The following KIAA1217 variants were observed in gnomAD, a reference collection of about 807,000 sequenced individuals.
The protein encoded by KIAA1217 is sickle tail protein homolog.
KIAA1217 carries 88 observed loss-of-function variants against 163.9 expected under a neutral mutation model. The ratio of observed to expected loss-of-function variants is 0.54; its 90% CI spans 0.45 to 0.64. The LOEUF (loss-of-function observed/expected upper bound fraction) is 0.64. Ranked by LOEUF, KIAA1217 falls within the 30% of genes least tolerant of loss-of-function variation. The probability of loss-of-function intolerance (pLI) is 0.00; values close to 1 mark genes in which losing one functional copy is unlikely to be tolerated. For missense variants in KIAA1217, 2,372 were observed against 2,475.0 expected, an observed-to-expected ratio of 0.96 and a Z score of 0.88; for synonymous variants, 903 against 923.1, an observed-to-expected ratio of 0.98 and a Z score of 0.39.
intron 1 of KIAA1217, among the ~76,000 whole-genome samples, chr10:23,845,333 A>G (rs553828222): frequency 6.6e-6 from 1 of 152,290 alleles, no homozygotes; most frequent in South Asian, 2.1e-4. Flanking sequence ...CAATGGTTGA[A>G]CTAATTTACA....
intron 1 of KIAA1217, among the ~76,000 whole-genome samples, chr10:23,819,489 C>A (rs890756862): frequency 2.6e-5 from 4 of 152,056 alleles, no homozygotes; most frequent in African/African-American, 9.7e-5. Flanking sequence ...CAGCTTTGGC[C>A]CCCCTGCTGC....
intron 2 of KIAA1217, among the ~76,000 whole-genome samples, chr10:24,238,205 A>G (rs1423372050): frequency 6.6e-6 from 1 of 152,224 alleles, no homozygotes; most frequent in Non-Finnish European, 1.5e-5. Flanking sequence ...CCTCCTCAGA[A>G]GTGCTTCTCA....
chr10:24,472,240 CTG>C (rs1257906783), intron 5 of KIAA1217, among the ~76,000 whole-genome samples: 2 of 152,098 alleles, frequency 1.3e-5, no homozygotes, highest in East Asian at 3.9e-4. Context: ...GGGAGGATAT[CTG>C]TGTATCAGTC....
intron 2 of KIAA1217, among the ~76,000 whole-genome samples, chr10:24,075,119 TACACACACACACACACACACAC>T (rs71397929): frequency 7.6e-6 from 1 of 131,560 alleles, no homozygotes; most frequent in African/African-American, 2.7e-5. Flanking sequence ...TCCCCCTAAA[TACACACACACACACACACACAC>T]ACACACACAC....
chr10:23,871,286 C>T (rs572311753), intron 1 of KIAA1217, among the ~76,000 whole-genome samples: 1 of 152,116 alleles, frequency 6.6e-6, no homozygotes, highest in Non-Finnish European at 1.5e-5. Flanking sequence ...ATTTACATTG[C>T]AAATAGAAGA....
intron 1 of KIAA1217, among the ~76,000 whole-genome samples, chr10:23,796,258 A>C (rs1836196533): frequency 6.6e-6 from 1 of 152,196 alleles, no homozygotes; most frequent in South Asian, 2.1e-4. Context: ...ACCTTGTCTT[A>C]GTCACTTCAC....
chr10:24,452,696 A>T (rs891043897), intron 5 of KIAA1217, among the ~76,000 whole-genome samples: 8 of 151,716 alleles, frequency 5.3e-5, no homozygotes, highest in African/African-American at 1.9e-4. Context: ...AAAAAAAAAA[A>T]AAATAGAATG....
Position 24,047,676 on chromosome 10 carries a change from TACATGC to T in KIAA1217, c.-171+40304_-171+40309del, listed in dbSNP as rs1757605204. Among the ~76,000 whole-genome samples the T allele has an allele frequency of 2.0e-5, 3 of 152,334 alleles. No homozygotes were observed. The South Asian group carries it at 6.2e-4, about 32-fold the overall frequency. On this transcript the variant is annotated intron_variant, in intron 2 of 18. Transcript: ENST00000376462. ...ATTCTTTATGTTTAAGGAGTAAACT[TACATGC>T]ATCTCCTTTTCTATAGCACATGTAG...
chr10:23,853,751 G>A (rs1378782770), intron 1 of KIAA1217, among the ~76,000 whole-genome samples: 1 of 152,162 alleles, frequency 6.6e-6, no homozygotes, highest in Admixed American at 6.5e-5. Flanking sequence ...GGGAGGGTGT[G>A]TGTGTCGAGG....
At chr10:23,778,251 T>C (rs1055054991) in intron 1 of KIAA1217, among the ~76,000 whole-genome samples, 2 of 152,224 alleles carry the variant, frequency 1.3e-5, no homozygotes, top group Non-Finnish European at 2.9e-5. Context: ...ACTGCAGATA[T>C]TTTTGTGGCA....
At chr10:24,527,521 T>C (rs1184744008) in intron 13 of KIAA1217, among the ~76,000 whole-genome samples, 1 of 148,610 alleles carries the variant, frequency 6.7e-6, no homozygotes, top group Admixed American at 6.7e-5. Context: ...AAATTAGCCA[T>C]GTGTGGTGGC....
chr10:23,707,832 G>A (rs924061427), intron 1 of KIAA1217, among the ~76,000 whole-genome samples: 2 of 152,122 alleles, frequency 1.3e-5, no homozygotes, highest in Non-Finnish European at 2.9e-5. Flanking sequence ...TGTCATTCAC[G>A]ATTTCTGCTC....
rs182262931 is a variant in KIAA1217, at chr10:23,895,014, G to A, written c.-320-112211G>A. On this transcript the variant is annotated intron_variant, in intron 1 of 18. Coordinates refer to the KIAA1217 transcript ENST00000376462. ...TTCAAGATTGATTAAAGACTTAAAC[G>A]TTGGACCTAAAACCATAAAAACCCT... 2.9e-3 allele frequency among the ~76,000 whole-genome samples: 440 copies of A among 152,202 alleles called. 1 individual carries two copies. The highest frequency in any genetic ancestry group is 8.8e-3 in the African/African-American group (367 of 41,536).
chr10:23,711,022 T>C (rs181957591), intron 1 of KIAA1217, among the ~76,000 whole-genome samples: 4 of 152,330 alleles, frequency 2.6e-5, no homozygotes, highest in Non-Finnish European at 4.4e-5. Flanking sequence ...TCATCAAAAG[T>C]GAGACTATTG....
At chr10:23,871,546 A>G (rs568621493) in intron 1 of KIAA1217, among the ~76,000 whole-genome samples, 74 of 152,068 alleles carry the variant, frequency 4.9e-4, no homozygotes, top group Non-Finnish European at 9.0e-4. Context: ...CAAAGCCATC[A>G]GCACAGTCCA....
chr10:24,404,821 T>C (rs1564623792), intron 3 of KIAA1217, among the ~76,000 whole-genome samples: 1 of 152,048 alleles, frequency 6.6e-6, no homozygotes, highest in Admixed American at 6.5e-5. Flanking sequence ...GGACAAACTG[T>C]CGATACACAA....
At position 23,792,596 on chromosome 10, in the gene KIAA1217, C is replaced by T. The variant is rs576260950; in HGVS notation, c.-321+97362C>T. Among the ~76,000 whole-genome samples the T allele has an allele frequency of 3.3e-5, 5 of 151,608 alleles. No individual in the cohort carries two copies. In the South Asian group the frequency reaches 1.0e-3, roughly 32 times the overall value. ...CAAGCTCCGCCTCCCGGGTTCATGC[C>T]GTTCTCCTGCCTCAGCCTCCCCAGT... On this transcript the variant is annotated intron_variant, in intron 1 of 18. Transcript: ENST00000376462.
At chr10:23,792,681 T>C (rs527356713) in intron 1 of KIAA1217, among the ~76,000 whole-genome samples, 1 of 151,376 alleles carries the variant, frequency 6.6e-6, no homozygotes, top group Non-Finnish European at 1.5e-5. Flanking sequence ...TTTTTTTTTT[T>C]TTAATAGAGA....
chr10:23,822,059 C>T (rs547073681), intron 1 of KIAA1217, among the ~76,000 whole-genome samples: 9 of 152,278 alleles, frequency 5.9e-5, no homozygotes, highest in Non-Finnish European at 1.3e-4. Context: ...GGTGCAGGCA[C>T]CACAGCTCCA....
Sources: allele counts gnomAD v4.1 joint callset (sites outside exome capture counted in the v4.1 genomes callset), GRCh38; gene constraint gnomAD v4.1.1; transcripts MANE v1.5; gene names NCBI Gene and HGNC (gene_info 2026-07-23, HGNC 2026-07-21).